ABCC4: variants seen among roughly 807,000 people sequenced by gnomAD.
ABCC4 encodes ATP-binding cassette sub-family C member 4.
Under a neutral mutation model 168.5 loss-of-function variants are expected in ABCC4, and 102 were observed. The ratio of observed to expected loss-of-function variants is 0.61; its 90% confidence interval spans 0.52 to 0.71. The LOEUF is 0.71. Among genes scored for constraint, ABCC4 ranks in the 30% least tolerant of loss-of-function variants. The pLI is 0.00. For missense variants in ABCC4, 1,402 were observed against 1,605.8 expected, an observed-to-expected ratio of 0.87 and a Z score of 2.17; for synonymous variants, 617 against 590.7, an observed-to-expected ratio of 1.04 and a Z score of -0.65.
intron 4 of ABCC4, among the ~76,000 whole-genome samples, chr13:95,215,148 T>C (rs7999175): frequency 0.75 from 113,357 of 152,122 alleles, 43,051 homozygotes; most frequent in Non-Finnish European, 0.84. Context: ...AGGCTGGGCA[T>C]GATAGCTCAT....
intron 4 of ABCC4, among the ~76,000 whole-genome samples, chr13:95,234,382 GA>G (rs1174399941): frequency 6.6e-6 from 1 of 151,926 alleles, no homozygotes; most frequent in East Asian, 1.9e-4. Flanking sequence ...TTTGCATAAA[GA>G]AAAAAAACAT....
In ABCC4 at chr13:95,207,740, T is replaced by C. The variant is rs2038822959; in HGVS notation, c.911+60A>G. On this transcript the variant is annotated intron_variant, in intron 7 of 30. Coordinates refer to ENST00000645237, the MANE Select transcript of ABCC4 (RefSeq NM_005845.5). ...AAACATAGTAAAACTTCTAAAACCA[T>C]CAACAAGAATAGCAAATAGAAAAAT... The C allele has an allele frequency of 7.1e-6, 11 of 1,546,634 alleles. 1 individual carries two copies. In the South Asian group the frequency reaches 1.3e-4, roughly 18 times the overall value.
At chr13:95,088,592 A>G (rs2034331554) in intron 20 of ABCC4, among the ~76,000 whole-genome samples, 1 of 152,178 alleles carries the variant, frequency 6.6e-6, no homozygotes. Flanking sequence ...AATGTTAGGA[A>G]TTCAGCAATA....
Position 95,166,315 on chromosome 13 carries a change from T to C in ABCC4, c.1877A>G (p.Asp626Gly). Residue 626 changes from aspartate (D) to glycine (G), a missense_variant, in exon 15 of 31, where the codon GAT becomes GGT. By Grantham distance (94) the Asp-to-Gly change is moderately conservative. Coordinates refer to ENST00000645237, the MANE Select transcript of ABCC4 (RefSeq NM_005845.5). ...ATCCTTCTTTAAAAGGGAGCCAAAA[T>C]CTATACCAGATTTTAGGAACTCAGT... ...TYTEFLKSGI[D>G]FGSLLKKDNE... The C allele has an allele frequency of 1.2e-6, 2 of 1,613,794 alleles. No individual in the cohort carries two copies. The highest frequency in any genetic ancestry group is 1.7e-6 in the Non-Finnish European group (2 of 1,180,008).
At chr13:95,247,609 T>G in intron 2 of ABCC4, 34 bp downstream of exon 2, 1 of 1,548,926 alleles carries the variant, frequency 6.5e-7, no homozygotes, top group Non-Finnish European at 8.9e-7. Flanking sequence ...ACACCCACGC[T>G]TCCTTAATGC....
chr13:95,266,879 C>CTTTT (rs34395714), intron 1 of ABCC4, among the ~76,000 whole-genome samples: 7 of 116,806 alleles, frequency 6.0e-5, no homozygotes, highest in South Asian at 3.0e-4. Flanking sequence ...CAAATCTCAT[C>CTTTT]TTTTTTTTTT....
At chr13:95,235,801 G>A (rs536151805) in intron 3 of ABCC4, among the ~76,000 whole-genome samples, 1 of 152,284 alleles carries the variant, frequency 6.6e-6, no homozygotes, top group South Asian at 2.1e-4. Context: ...AAGCCCGGAT[G>A]TGCCCAGAAG....
intron 19 of ABCC4, among the ~76,000 whole-genome samples, chr13:95,147,602 T>C (rs183957439): frequency 2.0e-5 from 3 of 152,338 alleles, no homozygotes; most frequent in African/African-American, 7.2e-5. Flanking sequence ...GTGAAATTTG[T>C]CATTTTTCAT....
At chr13:95,109,391 A>ACAC (rs2035124554) in intron 20 of ABCC4, among the ~76,000 whole-genome samples, 1 of 150,342 alleles carries the variant, frequency 6.7e-6, no homozygotes, top group African/African-American at 2.4e-5. Context: ...CAGGTGTGCA[A>ACAC]ACACACACAC....
intron 19 of ABCC4, among the ~76,000 whole-genome samples, chr13:95,139,682 G>A (rs894700818): frequency 6.6e-6 from 1 of 152,158 alleles, no homozygotes; most frequent in East Asian, 1.9e-4. Flanking sequence ...CTTGTTCTTT[G>A]TTCTATGTTC....
rs765339717 is a variant in ABCC4 at position 95,071,738 on chromosome 13, T to C, written c.3134A>G (p.Asn1045Ser). ...ACCTGGACTGTACATGAAGTTCACATTGTCAAAGATTATCACTCCTTCATG... is the reference window on the plus strand; with the variant it reads ...ACCTGGACTGTACATGAAGTTCACACTGTCAAAGATTATCACTCCTTCATG... Reference protein sequence around the residue: ...WPHEGVIIFDNVNFMYSPGGP... With the variant: ...WPHEGVIIFDSVNFMYSPGGP... The change falls in exon 25 of 31, where the codon AAT becomes AGT. Residue 1045 changes from asparagine to serine, a missense_variant. Asn to Ser is a conservative substitution (Grantham distance 46). Around this residue, in one of 3 missense-constraint regions of ABCC4, gnomAD observed 1,007 missense variants for 1,127.3 expected, o/e 0.89. Transcript: ENST00000645237. The C allele has an allele frequency of 1.9e-6, 3 of 1,605,150 alleles. No individual in the cohort carries two copies. The highest frequency in any genetic ancestry group is 1.1e-5 in the South Asian group (1 of 89,054).
chr13:95,222,986 T>G (rs1382607440), intron 4 of ABCC4, among the ~76,000 whole-genome samples: 2 of 152,106 alleles, frequency 1.3e-5, no homozygotes, highest in Non-Finnish European at 2.9e-5. Flanking sequence ...CTACCCAGGT[T>G]GAGCACTAAA....
chr13:95,245,789 C>T (rs992174617), intron 3 of ABCC4, among the ~76,000 whole-genome samples: 2 of 151,798 alleles, frequency 1.3e-5, no homozygotes, highest in African/African-American at 4.8e-5. Context: ...GCAGAGCTCA[C>T]CTACCTGCCT....
At position 95,209,601 on chromosome 13, in the gene ABCC4, TAAAG is replaced by T; in HGVS notation, c.622-8_622-5del. 6.2e-7 allele frequency: 1 copy of T among 1,608,350 alleles called. No homozygotes were observed. Among genetic ancestry groups the T allele is most frequent in the Non-Finnish European group, 8.5e-7 (1 of 1,177,344 alleles). On this transcript the variant is annotated splice_polypyrimidine_tract_variant and splice_region_variant and intron_variant, in intron 5 of 30. Coordinates refer to ENST00000645237, the MANE Select transcript of ABCC4 (RefSeq NM_005845.5). ...GGAAGTGTAAGAACACTGTCACCTTTAAAGAAAAAGACAGAGCGTTCTTAGGACT... is the reference window on the plus strand; with the variant it reads ...GGAAGTGTAAGAACACTGTCACCTTTAAAAAGACAGAGCGTTCTTAGGACT...
rs368334532 is a variant in ABCC4, at chr13:95,209,511, C to T, written c.708G>A (p.Ser236=). 9 of 1,614,086 alleles carry T rather than the reference C, an allele frequency of 5.6e-6. No homozygotes were observed. The highest frequency in any genetic ancestry group is 5.3e-5 in the African/African-American group (4 of 74,938). ...TTAGAACTGCCATCCCAGCAAGGCA[C>T]GATATTCCTATCTCCATCCAGAGTA... is the stretch of plus-strand genomic sequence containing the variant. ...TALLWMEIGI[S]CLAGMAVLII... is the part of the protein sequence containing the mutation. The change falls in exon 6 of 31, where the codon TCG becomes TCA. Residue 236 remains serine (S), a synonymous_variant. Transcript: ENST00000645237.
chr13:95,226,996 C>A (rs1259289989), intron 4 of ABCC4, among the ~76,000 whole-genome samples: 1 of 152,162 alleles, frequency 6.6e-6, no homozygotes, highest in East Asian at 1.9e-4. Flanking sequence ...GCAATTAAAT[C>A]AGAATGTTTA....
At chr13:95,133,363 C>T (rs375571505) in intron 19 of ABCC4, among the ~76,000 whole-genome samples, 218 of 152,124 alleles carry the variant, frequency 1.4e-3, no homozygotes, top group Middle Eastern at 0.01. Flanking sequence ...ATCTGCCTGC[C>T]CTGACCTCCC....
intron 25 of ABCC4, among the ~76,000 whole-genome samples, chr13:95,070,372 G>A (rs1594045676): frequency 6.6e-6 from 1 of 152,170 alleles, no homozygotes; most frequent in Non-Finnish European, 1.5e-5. Context: ...GGCACCCTGA[G>A]TGCAGGGGAT....
intron 19 of ABCC4, among the ~76,000 whole-genome samples, chr13:95,120,783 T>C (rs913292318): frequency 3.3e-5 from 5 of 152,244 alleles, no homozygotes; most frequent in African/African-American, 1.2e-4. Context: ...GTCTATCAAA[T>C]GGTGTCGAGA....
Sources: allele counts gnomAD v4.1 joint callset (sites outside exome capture counted in the v4.1 genomes callset), GRCh38; gene constraint gnomAD v4.1.1; regional missense constraint gnomAD v4.1.1; transcripts MANE v1.5; gene names NCBI Gene and HGNC (gene_info 2026-07-23, HGNC 2026-07-21).